Variants in SOX6 observed in about 807,000 individuals in gnomAD.
SOX6 encodes the protein transcription factor SOX-6.
In SOX6, 11 loss-of-function variants were observed where a neutral mutation model predicts 97.8. The observed-to-expected ratio is 0.11, with a 90% CI of 0.07 to 0.19. The LOEUF (loss-of-function observed/expected upper bound fraction) is 0.19, where lower values mean the gene tolerates loss of function less well. SOX6 is among the 10% of genes least tolerant of loss of function. The probability of loss-of-function intolerance (pLI) is 1.00; values close to 1 mark genes in which losing one functional copy is unlikely to be tolerated. For synonymous variants in SOX6, 360 were observed against 371.4 expected (o/e 0.97, Z 0.35); for missense variants, 810 against 1,039.5 (o/e 0.78, Z 3.04).
intron 4 of SOX6, among the ~76,000 whole-genome samples, chr11:16,508,450 C>A (rs949201204): frequency 3.3e-5 from 5 of 152,030 alleles, no homozygotes; most frequent in Non-Finnish European, 7.4e-5. Context: ...ATAAAATCAA[C>A]CTCAGTGTCA....
chr11:16,609,638 A>T (rs1246502376), intron 4 of SOX6, among the ~76,000 whole-genome samples: 1 of 152,236 alleles, frequency 6.6e-6, no homozygotes, highest in East Asian at 1.9e-4. Context: ...AGCACAGAAG[A>T]TGGAACAAGC....
intron 1 of SOX6, chr11:16,382,210 G>A (rs570933015): frequency 5.9e-5 from 9 of 151,958 alleles, no homozygotes; most frequent in East Asian, 5.8e-4. Flanking sequence ...TGTCAAATAC[G>A]GTGTCACTTA....
chr11:16,237,319 G>A (rs1458072436), intron 3 of SOX6, among the ~76,000 whole-genome samples: 1 of 151,994 alleles, frequency 6.6e-6, no homozygotes, highest in Non-Finnish European at 1.5e-5. Flanking sequence ...TCTATAAGCA[G>A]AAGACACTAC....
intron 3 of SOX6, among the ~76,000 whole-genome samples, chr11:16,687,252 G>A (rs1237618804): frequency 6.6e-6 from 1 of 152,192 alleles, no homozygotes; most frequent in Non-Finnish European, 1.5e-5. Context: ...GAGGCCTCAG[G>A]GAGATTTTAC....
At position 16,684,173 on chromosome 11, in the gene SOX6, C is replaced by T. The variant is rs554764276; in HGVS notation, n.429+30657G>A. 1.6e-4 allele frequency among the ~76,000 whole-genome samples: 25 copies of T among 152,258 alleles called. No homozygotes were observed. In the East Asian group the frequency reaches 1.7e-3, roughly 11 times the overall value. ...TCAACCATTGTGGAAGACAGTGTAG[C>T]GATTCCTCAAGGATCTAGAACTAGA... On this transcript the variant is annotated intron_variant and non_coding_transcript_variant, in intron 3 of 5. Transcript: ENST00000524520.
intron 1 of SOX6, among the ~76,000 whole-genome samples, chr11:16,475,784 C>A (rs1456346392): frequency 6.6e-6 from 1 of 152,034 alleles, no homozygotes; most frequent in Non-Finnish European, 1.5e-5. Context: ...TGCCATAAAC[C>A]TCTAATTTGC....
intron 4 of SOX6, among the ~76,000 whole-genome samples, chr11:16,550,928 T>C (rs944651046): frequency 6.6e-6 from 1 of 152,058 alleles, no homozygotes; most frequent in Non-Finnish European, 1.5e-5. Context: ...AACAAGATGG[T>C]AAATTAAGGC....
At chr11:16,104,152 C>T (rs1385234027) in intron 7 of SOX6, among the ~76,000 whole-genome samples, 3 of 151,892 alleles carry the variant, frequency 2.0e-5, no homozygotes, top group Non-Finnish European at 4.4e-5. Context: ...CTTCCTGGAC[C>T]CCAACACCGA....
At chr11:16,441,281 T>A in intron 1 of SOX6, among the ~76,000 whole-genome samples, 1 of 152,318 alleles carries the variant, frequency 6.6e-6, no homozygotes, top group East Asian at 1.9e-4. Context: ...AATAAATGTA[T>A]TATAAAATAT....
At chr11:16,337,378 ATT>A (rs1856497073) in intron 2 of SOX6, among the ~76,000 whole-genome samples, 6 of 152,160 alleles carry the variant, frequency 3.9e-5, no homozygotes, top group Non-Finnish European at 8.8e-5. Flanking sequence ...GCAGATAATT[ATT>A]ACACACAATA....
At chr11:16,075,945 G>A (rs751487941) in intron 9 of SOX6, among the ~76,000 whole-genome samples, 10 of 151,918 alleles carry the variant, frequency 6.6e-5, no homozygotes, top group Non-Finnish European at 8.8e-5. Context: ...GAACCTTTCC[G>A]CATGATTCAA....
intron 13 of SOX6, among the ~76,000 whole-genome samples, chr11:16,001,946 A>G (rs1854419050): frequency 1.3e-5 from 2 of 152,192 alleles, no homozygotes; most frequent in East Asian, 1.9e-4. Flanking sequence ...CTCTAATTCA[A>G]TAACTCTGCT....
At chr11:16,430,447 T>C (rs1392267036) in intron 1 of SOX6, among the ~76,000 whole-genome samples, 1 of 152,196 alleles carries the variant, frequency 6.6e-6, no homozygotes, top group Non-Finnish European at 1.5e-5. Flanking sequence ...AATTCATATG[T>C]TGAAATCCTC....
rs114303890 is a variant in SOX6 at position 16,598,062 on chromosome 11, C to A, written n.609+14019G>T. On this transcript the variant is annotated intron_variant and non_coding_transcript_variant, in intron 4 of 5. Coordinates refer to the SOX6 transcript ENST00000524520. Reference sequence around the variant, plus strand: ...GGAATGGGAAGCCAGATCCAGATAACTGTAAGTATAGAACCACTTCAACTA... The same window carrying A: ...GGAATGGGAAGCCAGATCCAGATAAATGTAAGTATAGAACCACTTCAACTA... 7.3e-3 allele frequency among the ~76,000 whole-genome samples: 1,118 copies of A among 152,184 alleles called. 15 individuals carry two copies. Among genetic ancestry groups the A allele is most frequent in the African/African-American group, 0.024 (1,011 of 41,564 alleles).
At chr11:16,292,920 T>C (rs1487424767) in intron 3 of SOX6, among the ~76,000 whole-genome samples, 1 of 152,150 alleles carries the variant, frequency 6.6e-6, no homozygotes, top group African/African-American at 2.4e-5. Flanking sequence ...CAGATTAGCA[T>C]TGAATCTAAC....
intron 1 of SOX6, among the ~76,000 whole-genome samples, chr11:16,413,166 C>T (rs541316853): frequency 6.6e-6 from 1 of 152,202 alleles, no homozygotes; most frequent in Non-Finnish European, 1.5e-5. Context: ...GCAAAAACTT[C>T]TTTGCATTGT....
At chr11:16,492,955 C>T (rs996396286) in intron 4 of SOX6, among the ~76,000 whole-genome samples, 2 of 152,094 alleles carry the variant, frequency 1.3e-5, no homozygotes, top group African/African-American at 4.8e-5. Context: ...ACTATAAAGA[C>T]TGATAATATA....
At chr11:16,251,575 A>G (rs1420133989) in intron 3 of SOX6, among the ~76,000 whole-genome samples, 1 of 152,142 alleles carries the variant, frequency 6.6e-6, no homozygotes, top group Non-Finnish European at 1.5e-5. Context: ...GTGCTATATA[A>G]AGATATTGGA....
At chr11:16,493,817 C>A (rs1860551110) in intron 4 of SOX6, among the ~76,000 whole-genome samples, 2 of 152,114 alleles carry the variant, frequency 1.3e-5, no homozygotes, top group East Asian at 3.9e-4. Context: ...GTTAGGAGTA[C>A]AAATTGACAC....
Sources: gnomAD v4.1 joint callset for allele counts (sites outside exome capture counted in the v4.1 genomes callset) on GRCh38, gnomAD v4.1.1 for gene constraint, MANE v1.5 for transcripts, NCBI Gene and HGNC (gene_info 2026-07-23, HGNC 2026-07-21) for gene names.